Variants in HTRA4 observed in about 807,000 individuals in gnomAD.
The protein encoded by HTRA4 is HtrA serine peptidase 4, also known as serine protease HTRA4.
A neutral mutation model predicts 49.1 loss-of-function variants in HTRA4; 46 were observed. The observed-to-expected ratio is 0.94, with a 90% CI of 0.74 to 1.20. The LOEUF (loss-of-function observed/expected upper bound fraction) is 1.20. Among genes scored for constraint, HTRA4 ranks in the 50% most tolerant of loss-of-function variants. HTRA4 has a pLI of 0.00. For synonymous variants in HTRA4, 261 were observed against 264.0 expected, an observed-to-expected ratio of 0.99 and a Z score of 0.11; for missense variants, 602 against 636.9, an observed-to-expected ratio of 0.95 and a Z score of 0.59.
chr8:38,976,557 G>C lies in HTRA4; in HGVS notation c.589G>C (p.Val197Leu), dbSNP rs114896954. ...WGRLLHGSRL[V>L]PVYSGSGFIV... ...CAGGTTACTTCACGGCAGCAGGCTT[G>C]TTCCTGTGTACAGTGGCTCTGGGTT... The change falls in exon 3 of 9, where the codon GTT (valine) becomes CTT (leucine). Residue 197 changes from valine to leucine, a missense_variant. By Grantham distance (32) the Val-to-Leu change is conservative. Transcript: ENST00000302495. 1,266 of 1,614,040 alleles carry C rather than the reference G, an allele frequency of 7.8e-4. 12 individuals carry two copies. In the African/African-American group the frequency reaches 0.015, roughly 20 times the overall value.
intron 3 of HTRA4, among the ~76,000 whole-genome samples, chr8:38,977,427 T>C (rs1240983601): frequency 6.6e-6 from 1 of 152,210 alleles, no homozygotes; most frequent in Non-Finnish European, 1.5e-5. Flanking sequence ...ACATCACATA[T>C]ATTGACATGG....
At chr8:38,979,914 T>C (rs1318147383) in intron 5 of HTRA4, among the ~76,000 whole-genome samples, 1 of 152,228 alleles carries the variant, frequency 6.6e-6, no homozygotes, top group Non-Finnish European at 1.5e-5. Context: ...TATGAAGAAC[T>C]ATCTCTCATT....
At chr8:38,977,890 A>T (rs1010015478) in intron 3 of HTRA4, 63 bp from the exon 4 acceptor site, 4 of 1,562,924 alleles carry the variant, frequency 2.6e-6, no homozygotes, top group Admixed American at 1.8e-5. Context: ...ACTTTGGTCA[A>T]TTCTGATCGT....
In HTRA4 at chr8:38,988,001, ATGT is replaced by A. The variant is rs777007062; in HGVS notation, c.1339_1341del (p.Val447del). On this transcript the variant is annotated inframe_deletion, in exon 9 of 9. Coordinates refer to ENST00000302495, the MANE Select transcript of HTRA4 (RefSeq NM_153692.4). ...GGGAAACCTATTACTACTACAACTG[ATGT>A]TGTTAAAGCTCTTGACAGTGATTCC... 4.3e-6 allele frequency: 7 copies of A among 1,611,212 alleles called. No homozygotes were observed. In the African/African-American group the frequency reaches 5.3e-5, roughly 12 times the overall value.
At chr8:38,978,463 G>C (rs746396413) in intron 4 of HTRA4, among the ~76,000 whole-genome samples, 1 of 152,156 alleles carries the variant, frequency 6.6e-6, no homozygotes, top group African/African-American at 2.4e-5. Context: ...CCACAAAGCC[G>C]GTCCCTGTGC....
At position 38,988,138 on chromosome 8, in the gene HTRA4, AC is replaced by A. The variant is rs753737629; in HGVS notation, c.*42del. 6.8e-7 allele frequency: 1 copy of A among 1,464,358 alleles called. No individual in the cohort carries two copies. The highest frequency in any genetic ancestry group is 2.5e-5 in the Admixed American group (1 of 39,382). The allele number at this position is 1,464,358 out of a possible 1,614,324, so 90.7% of individuals were successfully genotyped here. A position where few individuals can be genotyped will look rare whatever the true frequency, so the allele number is the denominator to read the frequency against. On this transcript the variant is annotated 3_prime_UTR_variant, in exon 9 of 9. Transcript: ENST00000302495. ...AGTGGGATTATCTAAAAAAAAAAAA[AC>A]CAGTTATATCACGTGGTTTGTATTG...
chr8:38,984,480 C>G (rs1017889030), intron 8 of HTRA4, among the ~76,000 whole-genome samples: 1 of 151,868 alleles, frequency 6.6e-6, no homozygotes, highest in Non-Finnish European at 1.5e-5. Context: ...GGTGCCGTGA[C>G]TCACGCCTGT....
At chr8:38,983,584 G>A (rs558326758) in intron 8 of HTRA4, among the ~76,000 whole-genome samples, 29 of 151,760 alleles carry the variant, frequency 1.9e-4, no homozygotes, top group Non-Finnish European at 3.5e-4. Flanking sequence ...TATTTCAAGT[G>A]GATTTCAAAG....
At chr8:38,977,558 T>A (rs1184072705) in intron 3 of HTRA4, among the ~76,000 whole-genome samples, 1 of 152,212 alleles carries the variant, frequency 6.6e-6, no homozygotes, top group Non-Finnish European at 1.5e-5. Context: ...GTGTGAGAAG[T>A]GTCACCCTGG....
In HTRA4 at chr8:38,981,634, A is replaced by C. The variant is rs1326200495; in HGVS notation, c.1000-19A>C. On this transcript the variant is annotated intron_variant, in intron 5 of 8. Coordinates refer to ENST00000302495, the MANE Select transcript of HTRA4 (RefSeq NM_153692.4). ...GTTTGCAAAACTTCATGACTGAATG[A>C]TGTCCCCTCCCTTGCCAGGATGGTG... is the stretch of plus-strand genomic sequence containing the variant. 1 of 1,579,034 alleles carries C rather than the reference A, an allele frequency of 6.3e-7. No individual in the cohort carries two copies. Among genetic ancestry groups the C allele is most frequent in the East Asian group, 2.2e-5 (1 of 44,564 alleles).
chr8:38,978,238 G>C, intron 4 of HTRA4, 91 bp downstream of exon 4: 4 of 1,122,140 alleles, frequency 3.6e-6, no homozygotes, highest in Non-Finnish European at 5.0e-6. Flanking sequence ...ACAGCAGGCT[G>C]TGAGCCATGG....
intron 4 of HTRA4, among the ~76,000 whole-genome samples, chr8:38,978,526 A>C (rs747700537): frequency 1.3e-5 from 2 of 152,170 alleles, no homozygotes; most frequent in Non-Finnish European, 2.9e-5. Flanking sequence ...ATCACACAAT[A>C]TTGGCAGTTC....
At chr8:38,982,673 G>A in intron 7 of HTRA4, 118 bp downstream of exon 7, 1 of 888,532 alleles carries the variant, frequency 1.1e-6, no homozygotes, top group South Asian at 1.4e-5. Flanking sequence ...GTGACCATAG[G>A]CCCTATCTGT....
At chr8:38,986,686 C>G (rs931789387) in intron 8 of HTRA4, among the ~76,000 whole-genome samples, 1 of 152,228 alleles carries the variant, frequency 6.6e-6, no homozygotes, top group Non-Finnish European at 1.5e-5. Flanking sequence ...CGCAGTAAAT[C>G]AGAGAGCAGA....
Position 38,976,707 on chromosome 8 carries a change from T to C in HTRA4, c.739T>C (p.Leu247=). The change falls in exon 3 of 9, where the codon TTG becomes CTG. Residue 247 remains leucine, a synonymous_variant. Transcript: ENST00000302495. Reference sequence around the variant, plus strand: ...TGTTGTCAAGGATATTGACCTTAAATTGGATCTTGCGGTGATTAAGATTGA... The same window carrying C: ...TGTTGTCAAGGATATTGACCTTAAACTGGATCTTGCGGTGATTAAGATTGA... ...EAVVKDIDLK[L]DLAVIKIESN... 1 of 1,614,198 alleles carries C rather than the reference T, an allele frequency of 6.2e-7. No individual in the cohort carries two copies. Among genetic ancestry groups the C allele is most frequent in the Non-Finnish European group, 8.5e-7 (1 of 1,180,036 alleles).
Position 38,988,549 on chromosome 8 carries a change from TG to T in HTRA4, c.*454del, listed in dbSNP as rs1335891970. ...CATGCTGGGCTTAACACCCAGGTGA[TG>T]GGTTGATTGATAGGTGCAGCAAACC... On this transcript the variant is annotated 3_prime_UTR_variant, in exon 9 of 9. Transcript: ENST00000302495. 6.5e-6 allele frequency: 1 copy of T among 152,924 alleles called. No individual in the cohort carries two copies. The highest frequency in any genetic ancestry group is 1.9e-4 in the East Asian group (1 of 5,216). The allele number at this position is 152,924 out of a possible 1,614,324, so 9.5% of individuals were successfully genotyped here. A position where few individuals can be genotyped will look rare whatever the true frequency, so the allele number is the denominator to read the frequency against.
In HTRA4 at chr8:38,974,593, G is replaced by T; in HGVS notation, c.330G>T (p.Thr110=). ...PGFPSTCGCP[T]LGGAVCGSDR... is the part of the protein sequence containing the mutation. Reference sequence around the variant, plus strand: ...TCCCCAGCACCTGCGGTTGCCCGACGCTGGGAGGGGCCGTGTGCGGCAGCG... The same window carrying T: ...TCCCCAGCACCTGCGGTTGCCCGACTCTGGGAGGGGCCGTGTGCGGCAGCG... Residue 110 remains threonine, a synonymous_variant, in exon 1 of 9, where the codon ACG becomes ACT. Coordinates refer to ENST00000302495, the MANE Select transcript of HTRA4 (RefSeq NM_153692.4). 7.0e-7 allele frequency: 1 copy of T among 1,425,060 alleles called. No individual in the cohort carries two copies. The highest frequency in any genetic ancestry group is 9.1e-7 in the Non-Finnish European group (1 of 1,095,354). The allele number at this position is 1,425,060 out of a possible 1,614,324, so 88.3% of individuals were successfully genotyped here. A position where few individuals can be genotyped will look rare whatever the true frequency, so the allele number is the denominator to read the frequency against.
In HTRA4 at chr8:38,987,984, T is replaced by TATTA. The variant is rs1835505546; in HGVS notation, c.1318_1321dup (p.Thr441AsnfsTer6). On this transcript the variant is annotated frameshift_variant, in exon 9 of 9. Coordinates refer to ENST00000302495, the MANE Select transcript of HTRA4 (RefSeq NM_153692.4). LOFTEE classifies it high-confidence loss of function. ...TAATTGTCAACATAAATGGGAAACC[T>TATTA]ATTACTACTACAACTGATGTTGTTA... The TATTA allele has an allele frequency of 1.2e-6, 2 of 1,609,740 alleles. No individual in the cohort carries two copies. The highest frequency in any genetic ancestry group is 2.7e-5 in the African/African-American group (2 of 74,714).
chr8:38,981,206 A>G (rs1261594787), intron 5 of HTRA4, among the ~76,000 whole-genome samples: 3 of 148,574 alleles, frequency 2.0e-5, no homozygotes, highest in Non-Finnish European at 4.5e-5. Context: ...CAGCCTCCCG[A>G]GTAGCTGGGA....
Sources: allele counts gnomAD v4.1 joint callset (sites outside exome capture counted in the v4.1 genomes callset), GRCh38; gene constraint gnomAD v4.1.1; transcripts MANE v1.5; gene names NCBI Gene and HGNC (gene_info 2026-07-23, HGNC 2026-07-21).